The following FRMD4B variants were observed in gnomAD, a reference collection of about 807,000 sequenced individuals.
FRMD4B encodes the protein FERM domain containing 4B, also known as FERM domain-containing protein 4B.
In FRMD4B, 74 loss-of-function variants were observed where a neutral mutation model predicts 141.5. That is an observed-to-expected ratio of 0.52 (90% CI 0.43 to 0.63). The LOEUF is 0.63. Among genes scored for constraint, FRMD4B ranks in the 30% least tolerant of loss-of-function variants. The pLI is 0.00. For missense variants in FRMD4B, 1,366 were observed against 1,253.4 expected, an observed-to-expected ratio of 1.09 and a Z score of -1.36; for synonymous variants, 506 against 467.9, an observed-to-expected ratio of 1.08 and a Z score of -1.05.
intron 1 of FRMD4B, among the ~76,000 whole-genome samples, chr3:69,502,375 C>T (rs1706512788): frequency 1.3e-5 from 2 of 152,102 alleles, no homozygotes. Context: ...AGAAATAATA[C>T]CACACATCTA....
intron 1 of FRMD4B, among the ~76,000 whole-genome samples, chr3:69,344,976 T>C (rs1015297765): frequency 5.3e-5 from 8 of 151,978 alleles, no homozygotes; most frequent in Middle Eastern, 3.4e-3. Flanking sequence ...CTGGGGCTTG[T>C]AGGACAGTGG....
At chr3:69,299,118 G>T (rs1008638478) in intron 4 of FRMD4B, among the ~76,000 whole-genome samples, 1 of 152,114 alleles carries the variant, frequency 6.6e-6, no homozygotes, top group Admixed American at 6.6e-5. Context: ...CTCAGACCTA[G>T]AATGGGGCAG....
At chr3:69,350,473 C>G (rs373608650) in intron 1 of FRMD4B, among the ~76,000 whole-genome samples, 62 of 152,036 alleles carry the variant, frequency 4.1e-4, no homozygotes, top group East Asian at 1.7e-3. Flanking sequence ...CCCATTACTG[C>G]GTATATACCC....
In FRMD4B at chr3:69,512,775, G is replaced by C. The variant is rs1706709821; in HGVS notation, c.-129+29431C>G. Among the ~76,000 whole-genome samples, 5 of 152,130 alleles carry C rather than the reference G, an allele frequency of 3.3e-5. No homozygotes were observed. The South Asian group carries it at 1.0e-3, about 31-fold the overall frequency. On this transcript the variant is annotated intron_variant, in intron 1 of 5. Coordinates refer to the FRMD4B transcript ENST00000459638. ...TCTTCCCGCCCAAATAAAACTTGGA[G>C]GAATGTTCCATCATTAAAAGGATAA...
chr3:69,279,739 T>C (rs1575686648), intron 5 of FRMD4B, among the ~76,000 whole-genome samples: 2 of 66,706 alleles, frequency 3.0e-5, no homozygotes, highest in Admixed American at 1.7e-4. Flanking sequence ...CTTCTCCTCT[T>C]CCCCTCCTCC....
intron 1 of FRMD4B, among the ~76,000 whole-genome samples, chr3:69,381,859 C>T (rs1704128085): frequency 6.6e-6 from 1 of 152,166 alleles, no homozygotes; most frequent in South Asian, 2.1e-4. Context: ...GCCTTTCCTC[C>T]CTGGCAGCTC....
At chr3:69,502,087 G>A (rs4572773) in intron 1 of FRMD4B, among the ~76,000 whole-genome samples, 6,225 of 152,150 alleles carry the variant, frequency 0.041, 410 homozygotes, top group African/African-American at 0.14. Flanking sequence ...AATCAATATC[G>A]TGAAAATGGC....
intron 2 of FRMD4B, among the ~76,000 whole-genome samples, chr3:69,409,770 A>AG (rs35926711): frequency 0.029 from 4,373 of 152,288 alleles, 227 homozygotes; most frequent in African/African-American, 0.099. Context: ...CTCAGATGTG[A>AG]GGACTAAACT....
intron 1 of FRMD4B, among the ~76,000 whole-genome samples, chr3:69,333,538 C>T (rs879586899): frequency 1.3e-5 from 2 of 152,218 alleles, no homozygotes; most frequent in Admixed American, 1.3e-4. Context: ...AATTTGAATT[C>T]TGCCTTAGTT....
intron 7 of FRMD4B, among the ~76,000 whole-genome samples, chr3:69,226,089 G>A (rs907523715): frequency 6.6e-6 from 1 of 152,182 alleles, no homozygotes; most frequent in African/African-American, 2.4e-5. Flanking sequence ...CCCCCAGCTG[G>A]AGGGCCAAAC....
intron 1 of FRMD4B, among the ~76,000 whole-genome samples, chr3:69,375,644 T>C (rs1038388): frequency 0.93 from 142,026 of 152,266 alleles, 66,240 homozygotes; most frequent in East Asian, 0.97. Flanking sequence ...GAAAAAATTG[T>C]ATCTTTATGT....
chr3:69,317,094 T>C (rs1409249421), intron 1 of FRMD4B, among the ~76,000 whole-genome samples: 2 of 151,884 alleles, frequency 1.3e-5, no homozygotes, highest in South Asian at 2.1e-4. Context: ...AAAAAAATCA[T>C]CTTTTTTTGC....
chr3:69,514,598 G>C (rs538544751), intron 1 of FRMD4B, among the ~76,000 whole-genome samples: 19 of 152,076 alleles, frequency 1.2e-4, no homozygotes, highest in African/African-American at 4.6e-4. Context: ...TGAGGCAGGA[G>C]AATCACTTAA....
intron 1 of FRMD4B, among the ~76,000 whole-genome samples, chr3:69,441,078 T>C (rs1162179366): frequency 6.6e-6 from 1 of 152,202 alleles, no homozygotes; most frequent in Admixed American, 6.5e-5. Flanking sequence ...GAAACCCAAA[T>C]CTGAAGATAG....
At chr3:69,345,517 G>C (rs1702906427) in intron 1 of FRMD4B, among the ~76,000 whole-genome samples, 1 of 152,214 alleles carries the variant, frequency 6.6e-6, no homozygotes. Flanking sequence ...TTTGAGATCT[G>C]AGAACGGACA....
At chr3:69,348,787 C>T (rs185584786) in intron 1 of FRMD4B, among the ~76,000 whole-genome samples, 1 of 152,186 alleles carries the variant, frequency 6.6e-6, no homozygotes, top group Non-Finnish European at 1.5e-5. Flanking sequence ...TTCAACAGCC[C>T]TTTATGCTAA....
chr3:69,310,591 G>C (rs878923198), intron 3 of FRMD4B: 61,438 of 151,344 alleles, frequency 0.41, 11,420 homozygotes, highest in African/African-American at 0.67. Flanking sequence ...CAGAGAGAGA[G>C]AGAGAGAGAG....
At position 69,498,017 on chromosome 3, in the gene FRMD4B, T is replaced by C. The variant is rs1235287239; in HGVS notation, c.-129+44189A>G. Among the ~76,000 whole-genome samples, 3 of 152,160 alleles carry C rather than the reference T, an allele frequency of 2.0e-5. No homozygotes were observed. In the East Asian group the frequency reaches 5.8e-4, roughly 29 times the overall value. Reference sequence around the variant, plus strand: ...GGCTGTTAAGACATTACTTTTTAAATTGCACGTATACCATCCAAGGAAGAG... The same window carrying C: ...GGCTGTTAAGACATTACTTTTTAAACTGCACGTATACCATCCAAGGAAGAG... On this transcript the variant is annotated intron_variant, in intron 1 of 5. Transcript: ENST00000459638.
At chr3:69,394,898 A>G (rs993370108) in intron 2 of FRMD4B, among the ~76,000 whole-genome samples, 1 of 152,174 alleles carries the variant, frequency 6.6e-6, no homozygotes, top group African/African-American at 2.4e-5. Context: ...CATCATTCTC[A>G]GCAAACTAAC....
Sources: gnomAD v4.1 joint callset for allele counts (sites outside exome capture counted in the v4.1 genomes callset) on GRCh38, gnomAD v4.1.1 for gene constraint, MANE v1.5 for transcripts, NCBI Gene and HGNC (gene_info 2026-07-23, HGNC 2026-07-21) for gene names.